NOTCH2: variants seen among roughly 807,000 people sequenced by gnomAD.
NOTCH2 encodes the protein neurogenic locus notch homolog protein 2.
In NOTCH2, 29 loss-of-function variants were observed where a neutral mutation model predicts 235.8. That is an observed-to-expected ratio of 0.12 (90% CI 0.09 to 0.17). The LOEUF (loss-of-function observed/expected upper bound fraction) is 0.17, where lower values mean the gene tolerates loss of function less well. NOTCH2 is among the 10% of genes least tolerant of loss of function. NOTCH2 has a pLI of 1.00. For synonymous variants in NOTCH2, 1,086 were observed against 1,141.5 expected (o/e 0.95, Z 0.98); for missense variants, 2,285 against 3,150.2 (o/e 0.73, Z 6.57).
intron 9 of NOTCH2, 89 bp downstream of exon 9, chr1:119,966,287 G>A (rs587634442): frequency 1.2e-6 from 1 of 860,792 alleles, no homozygotes; most frequent in African/African-American, 1.6e-5. Flanking sequence ...CTCATGCACA[G>A]CCCACACACA....
In NOTCH2 at chr1:119,967,571, C is replaced by T. The variant is rs199565938; in HGVS notation, c.1315G>A (p.Ala439Thr). The T allele has an allele frequency of 4.3e-4, 696 of 1,614,102 alleles. 6 individuals carry two copies. The South Asian group carries it at 5.4e-3, about 13-fold the overall frequency. Residue 439 changes from alanine (A) to threonine (T), a missense_variant, in exon 8 of 34, where the codon GCC (alanine) becomes ACC (threonine). Physicochemically the swap from Ala to Thr is moderately conservative, Grantham distance 58. This residue lies in a region of NOTCH2 where 431 missense variants were observed against 757.8 expected (regional missense o/e 0.57). Coordinates refer to ENST00000256646, the MANE Select transcript of NOTCH2 (RefSeq NM_024408.4). ...HAGKCVNTDG[A>T]FHCECLKGYA... ...CCCTTCAGACACTCACAGTGGAAGG[C>T]GCCATCCGTGTTCACACATTTTCCT... is the stretch of plus-strand genomic sequence containing the variant.
At chr1:120,015,009 T>TTTAA (rs1491192006) in intron 2 of NOTCH2, among the ~76,000 whole-genome samples, 279 of 107,114 alleles carry the variant, frequency 2.6e-3, no homozygotes, top group Middle Eastern at 0.01. Flanking sequence ...TTTTTTTTTT[T>TTTAA]AAAAACGAGG....
chr1:119,980,024 T>C (rs1382755047), intron 5 of NOTCH2, among the ~76,000 whole-genome samples: 1 of 152,240 alleles, frequency 6.6e-6, no homozygotes, highest in Non-Finnish European at 1.5e-5. Context: ...ATGACAAGCA[T>C]GTGGCTTATG....
rs959905879 is a variant in NOTCH2 at position 119,915,802 on chromosome 1, A to T, written c.6920T>A (p.Phe2307Tyr). Residue 2307 changes from phenylalanine to tyrosine, a missense_variant, in exon 34 of 34, where the codon TTC (phenylalanine) becomes TAC (tyrosine). By Grantham distance (22) the Phe-to-Tyr change is conservative (BLOSUM62 3). Transcript: ENST00000256646. ...PREPLPPIVTFQLIPKGSIAQ... is the reference protein window; with the variant it reads ...PREPLPPIVTYQLIPKGSIAQ... Reference sequence around the variant, plus strand: ...AATACTGCCTTTAGGGATGAGCTGGAAAGTCACAATGGGGGGCAAGGGCTC... The same window carrying T: ...AATACTGCCTTTAGGGATGAGCTGGTAAGTCACAATGGGGGGCAAGGGCTC... 3 of 1,612,896 alleles carry T rather than the reference A, an allele frequency of 1.9e-6. No individual in the cohort carries two copies. Among genetic ancestry groups the T allele is most frequent in the Non-Finnish European group, 2.5e-6 (3 of 1,179,108 alleles).
chr1:120,027,680 T>G (rs1239767971), intron 2 of NOTCH2, among the ~76,000 whole-genome samples: 3 of 146,996 alleles, frequency 2.0e-5, no homozygotes, highest in Admixed American at 6.8e-5. Context: ...CCTTTGTCCA[T>G]GTGTTCTCAT....
intron 24 of NOTCH2, 134 bp downstream of exon 24, chr1:119,926,365 T>C (rs1002997231): frequency 2.6e-6 from 2 of 781,548 alleles, no homozygotes; most frequent in Non-Finnish European, 4.5e-6. Flanking sequence ...ACCCAAGCAC[T>C]TTCCTCTGAA....
At chr1:120,009,248 CTT>C (rs1372886582) in intron 2 of NOTCH2, among the ~76,000 whole-genome samples, 2 of 151,062 alleles carry the variant, frequency 1.3e-5, no homozygotes, top group Non-Finnish European at 2.9e-5. Context: ...TAAAGAAAGA[CTT>C]AGGGTTTTCC....
chr1:119,944,360 C>A (rs1352816451), intron 17 of NOTCH2, among the ~76,000 whole-genome samples: 1 of 151,588 alleles, frequency 6.6e-6, no homozygotes, highest in East Asian at 1.9e-4. Context: ...ACGGTGAAAC[C>A]CCATCTCTAC....
In NOTCH2 at chr1:119,925,299, C is replaced by T; in HGVS notation, c.4511+6G>A. 1 of 1,613,406 alleles carries T rather than the reference C, an allele frequency of 6.2e-7. No individual in the cohort carries two copies. The stretch of plus-strand genomic sequence containing the variant: ...CCTTCAGTTCTGGAAAACGTGAAGC[C>T]CTTACTTGCATGTCTTGCTGTTCCC... On this transcript the variant is annotated splice_donor_region_variant and intron_variant, in intron 25 of 33. Transcript: ENST00000256646.
At chr1:119,949,348 G>T (rs1294422603) in intron 15 of NOTCH2, among the ~76,000 whole-genome samples, 1 of 149,116 alleles carries the variant, frequency 6.7e-6, no homozygotes, top group Non-Finnish European at 1.5e-5. Context: ...TTATGAACTA[G>T]GCCTGTTAAA....
chr1:119,941,459 C>G, intron 18 of NOTCH2, 67 bp downstream of exon 18: 1 of 1,154,760 alleles, frequency 8.7e-7, no homozygotes, highest in Non-Finnish European at 1.3e-6. Flanking sequence ...GCATTGTGCT[C>G]TGAAATTTCC....
At chr1:119,942,318 T>C (rs1650091284) in intron 17 of NOTCH2, among the ~76,000 whole-genome samples, 1 of 152,166 alleles carries the variant, frequency 6.6e-6, no homozygotes, top group Admixed American at 6.5e-5. Flanking sequence ...CCAACAAATT[T>C]TAAGCTACAG....
intron 1 of NOTCH2, among the ~76,000 whole-genome samples, chr1:120,067,308 T>C (rs1362759500): frequency 1.3e-5 from 2 of 148,232 alleles, no homozygotes; most frequent in African/African-American, 2.6e-5. Flanking sequence ...AATCAAAATA[T>C]CTAAATCCTA....
chr1:119,970,166 T>C (rs1428756709), intron 5 of NOTCH2, among the ~76,000 whole-genome samples: 1 of 152,184 alleles, frequency 6.6e-6, no homozygotes, highest in Non-Finnish European at 1.5e-5. Context: ...ATCTTGACTG[T>C]ATCAACGTCA....
intron 24 of NOTCH2, 77 bp from the exon 25 acceptor site, chr1:119,925,887 ACCT>A: frequency 6.6e-7 from 1 of 1,526,308 alleles, no homozygotes; most frequent in African/African-American, 1.4e-5. Flanking sequence ...TTTCTAGAAA[ACCT>A]CCACATCTCA....
intron 14 of NOTCH2, among the ~76,000 whole-genome samples, chr1:119,951,466 T>C (rs1650472397): frequency 6.6e-6 from 1 of 152,214 alleles, no homozygotes. Context: ...GCTTGTTGCA[T>C]GATAAACATA....
chr1:119,931,106 A>C (rs1312172839), intron 22 of NOTCH2, among the ~76,000 whole-genome samples: 2 of 151,606 alleles, frequency 1.3e-5, no homozygotes, highest in Non-Finnish European at 2.9e-5. Context: ...CTGTCTTAAA[A>C]AAAAAAAAAA....
chr1:119,924,412 G>A (rs1041302128), intron 25 of NOTCH2, among the ~76,000 whole-genome samples: 2 of 152,140 alleles, frequency 1.3e-5, no homozygotes, highest in African/African-American at 4.8e-5. Flanking sequence ...ACCATTGAGA[G>A]TTGCCATACA....
At chr1:120,038,128 T>C (rs1457795532) in intron 1 of NOTCH2, among the ~76,000 whole-genome samples, 1 of 152,156 alleles carries the variant, frequency 6.6e-6, no homozygotes, top group Non-Finnish European at 1.5e-5. Flanking sequence ...TTTTCTCTTA[T>C]TAAAGACTTC....
Sources: allele counts gnomAD v4.1 joint callset (sites outside exome capture counted in the v4.1 genomes callset), GRCh38; gene constraint gnomAD v4.1.1; regional missense constraint gnomAD v4.1.1; transcripts MANE v1.5; gene names NCBI Gene and HGNC (gene_info 2026-07-23, HGNC 2026-07-21).